Variants in NFX1 observed in about 807,000 individuals in gnomAD.
The protein encoded by NFX1 is transcriptional repressor NF-X1.
NFX1 carries 69 observed loss-of-function variants against 137.2 expected under a neutral mutation model. The ratio of observed to expected loss-of-function variants is 0.50; its 90% CI spans 0.41 to 0.61. NFX1 has a LOEUF of 0.61. Among genes scored for constraint, NFX1 ranks in the 20% least tolerant of loss-of-function variants. NFX1 has a pLI of 0.00. For synonymous variants in NFX1, 495 were observed against 474.1 expected, an observed-to-expected ratio of 1.04 and a Z score of -0.57; for missense variants, 1,167 against 1,391.0, an observed-to-expected ratio of 0.84 and a Z score of 2.56.
intron 23 of NFX1, among the ~76,000 whole-genome samples, chr9:33,369,414 ACT>A (rs1824263570): frequency 1.3e-5 from 2 of 152,034 alleles, no homozygotes; most frequent in African/African-American, 4.8e-5. Flanking sequence ...TTTGTATAAA[ACT>A]CTATTATGGA....
chr9:33,353,683 CTTTTTTTTTTTT>C (rs111306917), intron 17 of NFX1, among the ~76,000 whole-genome samples: 44 of 110,086 alleles, frequency 4.0e-4, no homozygotes, highest in South Asian at 5.9e-4. Context: ...GATAGATTTG[CTTTTTTTTTTTT>C]TTTTTTTTTT....
intron 9 of NFX1, among the ~76,000 whole-genome samples, chr9:33,323,550 C>A (rs1377119307): frequency 1.3e-5 from 2 of 151,742 alleles, no homozygotes; most frequent in Non-Finnish European, 2.9e-5. Flanking sequence ...GTCAGGAGTT[C>A]AAGACCAGCC....
Position 33,307,270 on chromosome 9 carries a change from T to C in NFX1, c.1347T>C (p.Pro449=), listed in dbSNP as rs763804988. The change falls in exon 5 of 24, where the codon CCT becomes CCC. Residue 449 remains proline, a synonymous_variant. Transcript: ENST00000379540. ...SCGEVCRKKQ[P]GQDCPHSCNL... ...GTGAGGTTTGTAGAAAGAAACAGCCTGGCCAGGACTGCCCACATTCCTGTA... is the reference window on the plus strand; with the variant it reads ...GTGAGGTTTGTAGAAAGAAACAGCCCGGCCAGGACTGCCCACATTCCTGTA... 1.4e-5 allele frequency: 22 copies of C among 1,614,026 alleles called. No homozygotes were observed. The South Asian group carries it at 2.4e-4, about 18-fold the overall frequency.
At position 33,301,488 on chromosome 9, in the gene NFX1, C is replaced by T. The variant is rs1185320061; in HGVS notation, c.1192+67C>T. ...TGATACGTTTAAGTATTATTAAGCC[C>T]AGCTTTAAAAATACAGTTTAATTTC... On this transcript the variant is annotated intron_variant, in intron 3 of 23. Transcript: ENST00000379540. 74 of 1,498,360 alleles carry T rather than the reference C, an allele frequency of 4.9e-5. 1 individual carries two copies. The South Asian group carries it at 7.4e-4, about 15-fold the overall frequency. 92.8% of individuals were successfully genotyped at this position (1,498,360 alleles called of 1,614,324 possible).
chr9:33,320,128 A>AT (rs933590448), intron 9 of NFX1, among the ~76,000 whole-genome samples: 8 of 148,712 alleles, frequency 5.4e-5, no homozygotes, highest in South Asian at 2.1e-4. Context: ...TGCCCAGCTA[A>AT]TTTTTTTTTG....
At chr9:33,351,293 T>TA (rs927461225) in intron 15 of NFX1, among the ~76,000 whole-genome samples, 8 of 150,770 alleles carry the variant, frequency 5.3e-5, no homozygotes, top group Admixed American at 4.6e-4. Flanking sequence ...CCCCATCTCT[T>TA]AAAAAAAAAT....
intron 6 of NFX1, among the ~76,000 whole-genome samples, chr9:33,311,995 A>G (rs1821979604): frequency 6.6e-6 from 1 of 152,186 alleles, no homozygotes; most frequent in Non-Finnish European, 1.5e-5. Context: ...TGAATGAAAG[A>G]ATAGGTGACT....
rs1823064512 is a variant in NFX1, at chr9:33,337,850, AC to A, written c.2036-658del. 2.0e-5 allele frequency among the ~76,000 whole-genome samples: 3 copies of A among 152,270 alleles called. No individual in the cohort carries two copies. The South Asian group carries it at 6.2e-4, about 32-fold the overall frequency. ...AATCACCTGAGGTCAGGTGTTCAAGACCAGCCTGGCCAACATGGCGAAACCC... is the reference window on the plus strand; with the variant it reads ...AATCACCTGAGGTCAGGTGTTCAAGACAGCCTGGCCAACATGGCGAAACCC... On this transcript the variant is annotated intron_variant, in intron 11 of 23. Coordinates refer to ENST00000379540, the MANE Select transcript of NFX1 (RefSeq NM_002504.6).
At chr9:33,341,486 T>C (rs915234191) in intron 12 of NFX1, among the ~76,000 whole-genome samples, 11 of 152,128 alleles carry the variant, frequency 7.2e-5, no homozygotes, top group Non-Finnish European at 1.3e-4. Context: ...ATAAACAAGG[T>C]AACACAGTAC....
At chr9:33,308,184 A>G (rs1243963339) in intron 5 of NFX1, among the ~76,000 whole-genome samples, 1 of 152,152 alleles carries the variant, frequency 6.6e-6, no homozygotes, top group African/African-American at 2.4e-5. Flanking sequence ...GCTCATGCCT[A>G]TAATCCCAAC....
chr9:33,300,442 T>C (rs1821515801), intron 2 of NFX1, among the ~76,000 whole-genome samples: 2 of 152,164 alleles, frequency 1.3e-5, no homozygotes, highest in South Asian at 4.1e-4. Flanking sequence ...TTTTATTCTT[T>C]TAACTTATTT....
At chr9:33,325,401 C>T (rs863816) in intron 9 of NFX1, among the ~76,000 whole-genome samples, 13 of 128,216 alleles carry the variant, frequency 1.0e-4, no homozygotes, top group Non-Finnish European at 1.8e-4. Flanking sequence ...CGGTGGCTCA[C>T]GCCTGTAATC....
chr9:33,326,416 A>G (rs892566327), intron 9 of NFX1, among the ~76,000 whole-genome samples: 10 of 147,776 alleles, frequency 6.8e-5, no homozygotes, highest in Admixed American at 6.8e-4. Context: ...CTGTCTTTAA[A>G]AAAAAAAAAA....
At chr9:33,361,150 G>A (rs1043529381) in intron 19 of NFX1, among the ~76,000 whole-genome samples, 2 of 151,930 alleles carry the variant, frequency 1.3e-5, no homozygotes, top group African/African-American at 2.4e-5. Flanking sequence ...AGAAACTGAG[G>A]AACTGTTAAA....
At chr9:33,298,235 G>C (rs1048866769) in intron 2 of NFX1, among the ~76,000 whole-genome samples, 2 of 152,178 alleles carry the variant, frequency 1.3e-5, no homozygotes, top group Non-Finnish European at 2.9e-5. Flanking sequence ...GGAGACATTT[G>C]AACAGAGACA....
intron 18 of NFX1, 143 bp from the exon 19 acceptor site, chr9:33,354,708 C>G (rs1461767230): frequency 1.5e-6 from 1 of 684,994 alleles, no homozygotes; most frequent in Non-Finnish European, 2.4e-6. Context: ...CAGGTGGCCT[C>G]ACAGGCTGCT....
chr9:33,332,064 G>C (rs543571774), intron 10 of NFX1, among the ~76,000 whole-genome samples: 1 of 151,918 alleles, frequency 6.6e-6, no homozygotes, highest in East Asian at 2.0e-4. Context: ...TGCATTAAAT[G>C]GTACAGATTG....
At chr9:33,300,154 G>A (rs1412164169) in intron 2 of NFX1, among the ~76,000 whole-genome samples, 1 of 136,600 alleles carries the variant, frequency 7.3e-6, no homozygotes, top group Non-Finnish European at 1.5e-5. Flanking sequence ...CTCCGCCCCC[G>A]GGTTCAAGAG....
chr9:33,327,645 G>A (rs929130399), intron 9 of NFX1, among the ~76,000 whole-genome samples: 2 of 152,066 alleles, frequency 1.3e-5, no homozygotes, highest in Admixed American at 6.5e-5. Flanking sequence ...GATTACAGGC[G>A]TGAGCCACCG....
Sources: gnomAD v4.1 joint callset for allele counts (sites outside exome capture counted in the v4.1 genomes callset) on GRCh38, gnomAD v4.1.1 for gene constraint, MANE v1.5 for transcripts, NCBI Gene and HGNC (gene_info 2026-07-23, HGNC 2026-07-21) for gene names.